The following RBMS3 variants were observed in gnomAD, a reference collection of about 807,000 sequenced individuals.
The protein encoded by RBMS3 is RNA-binding motif, single-stranded-interacting protein 3.
Under a neutral mutation model 66.8 loss-of-function variants are expected in RBMS3, and 27 were observed. That is an observed-to-expected ratio of 0.40 (90% CI 0.30 to 0.56). RBMS3 has a LOEUF of 0.56. Ranked by LOEUF, RBMS3 falls within the 20% of genes least tolerant of loss-of-function variation. The pLI is 0.40. For missense variants in RBMS3, 513 were observed against 549.5 expected, an observed-to-expected ratio of 0.93 and a Z score of 0.66; for synonymous variants, 188 against 183.0, an observed-to-expected ratio of 1.03 and a Z score of -0.22.
chr3:29,335,454 G>A lies in RBMS3; in HGVS notation c.75+53698G>A, dbSNP rs114751809. Among the ~76,000 whole-genome samples, 553 of 152,272 alleles carry A rather than the reference G, an allele frequency of 3.6e-3. 2 individuals carry two copies. Among genetic ancestry groups the A allele is most frequent in the Non-Finnish European group, 6.6e-3 (448 of 68,026 alleles). ...ATTTATTTTGGTCCGTGGCAGATAT[G>A]CTCAAAGAACTCCCCTGCCATGTCA... On this transcript the variant is annotated intron_variant, in intron 1 of 14. Transcript: ENST00000383767.
chr3:29,305,048 T>C (rs1449645087), intron 1 of RBMS3, among the ~76,000 whole-genome samples: 1 of 151,922 alleles, frequency 6.6e-6, no homozygotes, highest in East Asian at 2.0e-4. Flanking sequence ...CCAGTCACGA[T>C]GGCCTTCTTT....
At chr3:29,560,725 T>C (rs1324759597) in intron 3 of RBMS3, among the ~76,000 whole-genome samples, 3 of 152,242 alleles carry the variant, frequency 2.0e-5, no homozygotes, top group African/African-American at 4.8e-5. Flanking sequence ...GTATAAACTC[T>C]GTTTTTTAAA....
rs532820139 is a variant in RBMS3 at position 29,573,351 on chromosome 3, C to G, written c.308-13763C>G. 4.6e-5 allele frequency among the ~76,000 whole-genome samples: 7 copies of G among 152,230 alleles called. 1 individual carries two copies. The highest frequency in any genetic ancestry group is 1.7e-4 in the African/African-American group (7 of 41,536). ...GGCCAGGCTGGTCTCAATCTCCCAA[C>G]CTCTGGTGATTTGCCTTGGCCTCCC... On this transcript the variant is annotated intron_variant, in intron 3 of 14. Coordinates refer to ENST00000383767, the MANE Select transcript of RBMS3 (RefSeq NM_001003793.3).
intron 9 of RBMS3, among the ~76,000 whole-genome samples, chr3:29,898,768 T>TGC (rs1559780483): frequency 6.6e-6 from 1 of 150,582 alleles, no homozygotes; most frequent in East Asian, 2.0e-4. Flanking sequence ...TGTGTGTGTG[T>TGC]TTCCTTTTTT....
At chr3:29,903,038 A>G (rs1205185156) in intron 10 of RBMS3, 1 of 151,994 alleles carries the variant, frequency 6.6e-6, no homozygotes, top group Non-Finnish European at 1.5e-5. Flanking sequence ...TGAAAGAAGA[A>G]TAGAAAACAT....
intron 6 of RBMS3, among the ~76,000 whole-genome samples, chr3:29,820,918 T>G (rs940023703): frequency 2.6e-4 from 39 of 152,256 alleles, no homozygotes; most frequent in African/African-American, 9.1e-4. Context: ...AGATCCCGTC[T>G]CAATAAACAA....
intron 12 of RBMS3, among the ~76,000 whole-genome samples, chr3:29,954,620 C>T (rs1229159220): frequency 6.6e-6 from 1 of 151,916 alleles, no homozygotes; most frequent in Non-Finnish European, 1.5e-5. Flanking sequence ...TTTCTTTCAG[C>T]CAATGGTGCT....
Position 29,300,949 on chromosome 3 carries a change from A to G in RBMS3, c.75+19193A>G, listed in dbSNP as rs1041201251. Among the ~76,000 whole-genome samples the G allele has an allele frequency of 4.6e-5, 7 of 152,132 alleles. No homozygotes were observed. The East Asian group carries it at 1.4e-3, about 30-fold the overall frequency. ...GAAATCAAGGTAACCCTGAGTAAGT[A>G]TAGATAGGGAAGCACAAAACATGTG... On this transcript the variant is annotated intron_variant, in intron 1 of 14. Transcript: ENST00000383767.
At chr3:29,367,713 C>T (rs752248598) in intron 1 of RBMS3, among the ~76,000 whole-genome samples, 17 of 152,058 alleles carry the variant, frequency 1.1e-4, no homozygotes, top group Non-Finnish European at 1.6e-4. Context: ...ATGTATCACT[C>T]TTAGAAGAAA....
chr3:29,730,565 G>C (rs1460740625), intron 4 of RBMS3, among the ~76,000 whole-genome samples: 1 of 152,130 alleles, frequency 6.6e-6, no homozygotes, highest in Non-Finnish European at 1.5e-5. Flanking sequence ...ACCTATGGCT[G>C]TCTTCATGTC....
intron 6 of RBMS3, among the ~76,000 whole-genome samples, chr3:29,849,525 G>GAA (rs5847599): frequency 1.2e-4 from 13 of 107,344 alleles, no homozygotes; most frequent in South Asian, 9.1e-4. Flanking sequence ...ACTTAAAAAA[G>GAA]AAAAAAAAAA....
intron 4 of RBMS3, among the ~76,000 whole-genome samples, chr3:29,634,663 T>C (rs2049410751): frequency 6.6e-6 from 1 of 151,818 alleles, no homozygotes; most frequent in African/African-American, 2.4e-5. Context: ...ATTCCCCCTT[T>C]CCCATCTAGG....
intron 3 of RBMS3, among the ~76,000 whole-genome samples, chr3:29,522,663 A>G (rs897339778): frequency 6.6e-6 from 1 of 152,196 alleles, no homozygotes; most frequent in Non-Finnish European, 1.5e-5. Context: ...AGTTGGTACC[A>G]GGAGGAAACA....
At chr3:29,702,753 A>C (rs1485948437) in intron 4 of RBMS3, among the ~76,000 whole-genome samples, 2 of 152,150 alleles carry the variant, frequency 1.3e-5, no homozygotes, top group Non-Finnish European at 2.9e-5. Context: ...CTGCAGTTTT[A>C]CTCCTGAAGC....
chr3:29,733,877 G>T (rs560110712), intron 4 of RBMS3, among the ~76,000 whole-genome samples: 16 of 152,080 alleles, frequency 1.1e-4, no homozygotes, highest in African/African-American at 3.6e-4. Flanking sequence ...TACAGTTTGG[G>T]GGTCTTACAT....
intron 1 of RBMS3, among the ~76,000 whole-genome samples, chr3:29,386,067 C>T (rs964982488): frequency 2.0e-5 from 3 of 152,128 alleles, no homozygotes; most frequent in South Asian, 2.1e-4. Context: ...TATATAAACT[C>T]GCTTGTCCCT....
intron 3 of RBMS3, among the ~76,000 whole-genome samples, chr3:29,497,773 G>A (rs766310684): frequency 6.6e-6 from 1 of 151,880 alleles, no homozygotes; most frequent in African/African-American, 2.4e-5. Flanking sequence ...GATTATTGCC[G>A]AAGTATTGAG....
At chr3:29,751,913 G>T (rs1352923207) in intron 5 of RBMS3, among the ~76,000 whole-genome samples, 2 of 152,146 alleles carry the variant, frequency 1.3e-5, no homozygotes, top group Non-Finnish European at 2.9e-5. Context: ...GCGCCTAGGG[G>T]TTGCCTACGA....
chr3:29,710,309 A>G (rs774882084), intron 4 of RBMS3, among the ~76,000 whole-genome samples: 9 of 152,180 alleles, frequency 5.9e-5, no homozygotes, highest in Non-Finnish European at 1.3e-4. Flanking sequence ...CTCTATGTCA[A>G]TAGTAAATAA....
Sources: gnomAD v4.1 joint callset for allele counts (sites outside exome capture counted in the v4.1 genomes callset) on GRCh38, gnomAD v4.1.1 for gene constraint, MANE v1.5 for transcripts, NCBI Gene and HGNC (gene_info 2026-07-23, HGNC 2026-07-21) for gene names.